NID1: variants seen among roughly 807,000 people sequenced by gnomAD.
NID1 encodes the protein nidogen-1.
In NID1, 76 loss-of-function variants were observed where a neutral mutation model predicts 130.6. That is an observed-to-expected ratio of 0.58 (90% CI 0.48 to 0.70). The LOEUF (loss-of-function observed/expected upper bound fraction) is 0.70. Among genes scored for constraint, NID1 ranks in the 30% least tolerant of loss-of-function variants. NID1 has a pLI of 0.00. For missense variants in NID1, 1,517 were observed against 1,664.8 expected, an observed-to-expected ratio of 0.91 and a Z score of 1.54; for synonymous variants, 665 against 675.1, an observed-to-expected ratio of 0.98 and a Z score of 0.23.
In NID1 at chr1:236,048,686, T is replaced by A; in HGVS notation, c.525+4A>T. 2 of 1,607,214 alleles carry A rather than the reference T, an allele frequency of 1.2e-6. No homozygotes were observed. Among genetic ancestry groups the A allele is most frequent in the Non-Finnish European group, 1.7e-6 (2 of 1,178,810 alleles). ...CCTGCACTTGGACCTGGAGGGGAGC[T>A]TACCTTGCCTTTCTGGTCTGGGTCC... On this transcript the variant is annotated splice_donor_region_variant and intron_variant, in intron 2 of 19. Transcript: ENST00000264187.
chr1:235,982,809 G>A (rs1010285821), intron 15 of NID1, among the ~76,000 whole-genome samples: 1 of 152,162 alleles, frequency 6.6e-6, no homozygotes, highest in African/African-American at 2.4e-5. Flanking sequence ...TAAGCAGGAA[G>A]GAGAAGGGGC....
At chr1:236,053,736 A>G (rs1270308981) in intron 1 of NID1, among the ~76,000 whole-genome samples, 3 of 152,142 alleles carry the variant, frequency 2.0e-5, no homozygotes, top group African/African-American at 7.2e-5. Flanking sequence ...ACATGGTCTG[A>G]TACATATGAG....
At chr1:236,009,283 G>C (rs1383304869) in intron 12 of NID1, among the ~76,000 whole-genome samples, 1 of 152,106 alleles carries the variant, frequency 6.6e-6, no homozygotes, top group Non-Finnish European at 1.5e-5. Context: ...AAAGATGTCT[G>C]GCCGTCTGTG....
chr1:236,033,999 C>A (rs186691760), intron 5 of NID1, among the ~76,000 whole-genome samples: 1 of 152,134 alleles, frequency 6.6e-6, no homozygotes, highest in Non-Finnish European at 1.5e-5. Context: ...CACACAAAAA[C>A]GTGAACACAA....
intron 3 of NID1, among the ~76,000 whole-genome samples, chr1:236,045,243 A>G (rs2102842843): frequency 6.6e-6 from 1 of 151,522 alleles, no homozygotes; most frequent in South Asian, 2.1e-4. Context: ...GAACTATTTT[A>G]AATGAGGATG....
At chr1:236,036,932 A>T (rs886686572) in intron 5 of NID1, among the ~76,000 whole-genome samples, 2 of 152,222 alleles carry the variant, frequency 1.3e-5, no homozygotes, top group African/African-American at 4.8e-5. Flanking sequence ...GTATTCTGCT[A>T]GAAGCATCAG....
intron 14 of NID1, among the ~76,000 whole-genome samples, chr1:235,987,232 G>T (rs1657599374): frequency 6.6e-6 from 1 of 152,128 alleles, no homozygotes; most frequent in South Asian, 2.1e-4. Context: ...GACGAACTAT[G>T]GTGATACATA....
intron 10 of NID1, among the ~76,000 whole-genome samples, chr1:236,014,669 G>A (rs1349592702): frequency 6.6e-6 from 1 of 152,122 alleles, no homozygotes; most frequent in Non-Finnish European, 1.5e-5. Flanking sequence ...GAAGTTAACT[G>A]CTACAGCTTT....
chr1:236,036,073 T>A (rs1659249504), intron 5 of NID1, among the ~76,000 whole-genome samples: 1 of 152,184 alleles, frequency 6.6e-6, no homozygotes, highest in African/African-American at 2.4e-5. Flanking sequence ...CACAAACTGT[T>A]CAGCATTTCA....
At chr1:236,048,643 A>G in intron 2 of NID1, 47 bp downstream of exon 2, 1 of 1,583,494 alleles carries the variant, frequency 6.3e-7, no homozygotes, top group Non-Finnish European at 8.6e-7. Flanking sequence ...AAGTGTATGA[A>G]GCCAATGTGT....
rs1393123568 is a variant in NID1 at position 236,063,718 on chromosome 1, T to A, written c.225+1137A>T. Among the ~76,000 whole-genome samples the A allele has an allele frequency of 5.9e-5, 9 of 152,222 alleles. No homozygotes were observed. In the East Asian group the frequency reaches 1.7e-3, roughly 29 times the overall value. ...CAGAGGACAGCTTGAGCCAAGGAGT[T>A]GGAGGCTGCAGTGACCCAAGATCGC... On this transcript the variant is annotated intron_variant, in intron 1 of 19. Coordinates refer to ENST00000264187, the MANE Select transcript of NID1 (RefSeq NM_002508.3).
chr1:236,012,158 C>T (rs1658447100), intron 11 of NID1, 115 bp from the exon 12 acceptor site: 8 of 1,295,946 alleles, frequency 6.2e-6, no homozygotes, highest in Non-Finnish European at 7.5e-6. Flanking sequence ...GATCTGGGAA[C>T]AGTAATCCAA....
intron 8 of NID1, 150 bp from the exon 9 acceptor site, chr1:236,024,363 C>G (rs1039301942): frequency 3.2e-6 from 3 of 928,362 alleles, no homozygotes; most frequent in Non-Finnish European, 4.8e-6. Flanking sequence ...CCTGTGTTGC[C>G]CTGGGGCAGG....
intron 1 of NID1, among the ~76,000 whole-genome samples, chr1:236,059,718 G>T (rs1483722334): frequency 1.3e-5 from 2 of 152,222 alleles, no homozygotes; most frequent in Non-Finnish European, 2.9e-5. Flanking sequence ...TCCCGATCCA[G>T]ACCCTCAGAA....
chr1:236,009,190 C>T (rs1036411588), intron 12 of NID1, among the ~76,000 whole-genome samples: 2 of 152,170 alleles, frequency 1.3e-5, no homozygotes, highest in African/African-American at 4.8e-5. Flanking sequence ...AAGGGGGGCC[C>T]TAATGAATGG....
chr1:235,984,095 A>T (rs1657509661), intron 15 of NID1, among the ~76,000 whole-genome samples: 1 of 152,044 alleles, frequency 6.6e-6, no homozygotes, highest in Non-Finnish European at 1.5e-5. Context: ...AATGCTTCTT[A>T]CTGTGCTTAC....
chr1:236,024,496 T>C (rs536073285), intron 8 of NID1, among the ~76,000 whole-genome samples: 4 of 152,382 alleles, frequency 2.6e-5, no homozygotes, highest in African/African-American at 9.6e-5. Flanking sequence ...CATGTCGTGA[T>C]AGAGACTGTA....
At chr1:235,993,942 A>C in intron 12 of NID1, 70 bp from the exon 13 acceptor site, 1 of 1,447,898 alleles carries the variant, frequency 6.9e-7, no homozygotes, top group Non-Finnish European at 9.5e-7. Flanking sequence ...GCGGGGCTGC[A>C]GGAGTCCCCG....
chr1:236,032,713 A>C, intron 5 of NID1, 61 bp from the exon 6 acceptor site: 1 of 1,589,772 alleles, frequency 6.3e-7, no homozygotes, highest in South Asian at 1.2e-5. Context: ...TTCAAACACG[A>C]GTAATATGTA....
Sources: allele counts gnomAD v4.1 joint callset (sites outside exome capture counted in the v4.1 genomes callset), GRCh38; gene constraint gnomAD v4.1.1; transcripts MANE v1.5; gene names NCBI Gene and HGNC (gene_info 2026-07-23, HGNC 2026-07-21).